The following ATP2B4 variants were observed in gnomAD, a reference collection of about 807,000 sequenced individuals.
The protein encoded by ATP2B4 is plasma membrane calcium-transporting ATPase 4.
Under a neutral mutation model 110.3 loss-of-function variants are expected in ATP2B4, and 39 were observed. That is an observed-to-expected ratio of 0.35 (90% CI 0.27 to 0.46). The LOEUF (loss-of-function observed/expected upper bound fraction) is 0.46, where lower values mean the gene tolerates loss of function less well. Ranked by LOEUF, ATP2B4 falls within the 20% of genes least tolerant of loss-of-function variation. ATP2B4 has a pLI of 1.00. For missense variants in ATP2B4, 1,135 were observed against 1,530.9 expected, an observed-to-expected ratio of 0.74 and a Z score of 4.32; for synonymous variants, 538 against 571.7, an observed-to-expected ratio of 0.94 and a Z score of 0.84.
intron 14 of ATP2B4, 84 bp from the exon 15 acceptor site, chr1:203,714,087 G>A: frequency 7.7e-7 from 1 of 1,299,184 alleles, no homozygotes; most frequent in South Asian, 1.2e-5. Context: ...AAGGAAAGAA[G>A]AAAGTAGAAG....
chr1:203,715,053 C>T (rs950482909), intron 15 of ATP2B4, among the ~76,000 whole-genome samples: 7 of 152,158 alleles, frequency 4.6e-5, no homozygotes, highest in Non-Finnish European at 1.0e-4. Context: ...CCCCCATTTA[C>T]ATCCCCAGTC....
intron 1 of ATP2B4, among the ~76,000 whole-genome samples, chr1:203,674,432 T>C (rs1664767255): frequency 6.6e-6 from 1 of 152,080 alleles, no homozygotes; most frequent in Non-Finnish European, 1.5e-5. Flanking sequence ...TGAAAGAGGT[T>C]GGCTTTCCCA....
rs184475642 is a variant in ATP2B4 at position 203,708,152 on chromosome 1, A to C, written c.1557+48A>C. On this transcript the variant is annotated intron_variant, in intron 10 of 20. Coordinates refer to ENST00000357681, the MANE Select transcript of ATP2B4 (RefSeq NM_001684.5). The stretch of plus-strand genomic sequence containing the variant: ...CACTTAGAGTGGGTGGTTGGAAGGG[A>C]ACATCCATTTTCTCTGAAATGAACC... 4.7e-5 allele frequency: 75 copies of C among 1,607,092 alleles called. No homozygotes were observed. In the African/African-American group the frequency reaches 9.2e-4, roughly 20 times the overall value.
intron 1 of ATP2B4, among the ~76,000 whole-genome samples, chr1:203,672,324 C>CTTTTTTTTTTTT (rs57144862): frequency 2.5e-5 from 2 of 79,626 alleles, no homozygotes; most frequent in Non-Finnish European, 2.2e-5. Context: ...TGCGGTGGCT[C>CTTTTTTTTTTTT]TTTTTTTTTT....
intron 16 of ATP2B4, 94 bp downstream of exon 16, chr1:203,720,834 G>T: frequency 7.2e-7 from 1 of 1,390,992 alleles, no homozygotes; most frequent in Non-Finnish European, 9.7e-7. Context: ...GAAGAGTAAA[G>T]ACAGCGTTTC....
At chr1:203,658,075 T>G (rs11240682) in intron 1 of ATP2B4, among the ~76,000 whole-genome samples, 111,100 of 152,072 alleles carry the variant, frequency 0.73, 43,290 homozygotes, top group Middle Eastern at 0.88. Context: ...AAACACTTAA[T>G]AGACTATAGT....
chr1:203,636,353 C>T (rs1460218846), intron 1 of ATP2B4, among the ~76,000 whole-genome samples: 1 of 152,170 alleles, frequency 6.6e-6, no homozygotes, highest in East Asian at 1.9e-4. Flanking sequence ...TCCTGATCGT[C>T]GCTCTGGAGA....
intron 1 of ATP2B4, among the ~76,000 whole-genome samples, chr1:203,645,641 G>T (rs1347902795): frequency 6.7e-6 from 1 of 149,772 alleles, no homozygotes. Context: ...ACCCAGGCTG[G>T]AATGCAGTGG....
At chr1:203,706,988 A>G in intron 8 of ATP2B4, 21 bp from the exon 9 acceptor site, 6 of 1,610,004 alleles carry the variant, frequency 3.7e-6, no homozygotes, top group Non-Finnish European at 5.1e-6. Flanking sequence ...CTGGGTTCAT[A>G]TGACTTGTTT....
intron 1 of ATP2B4, among the ~76,000 whole-genome samples, chr1:203,681,857 C>G (rs549414823): frequency 3.3e-5 from 5 of 152,116 alleles, no homozygotes; most frequent in African/African-American, 1.2e-4. Context: ...TTACCGCTCC[C>G]ACTCCAGAGA....
At chr1:203,726,584 G>A (rs1666526646) in intron 19 of ATP2B4, among the ~76,000 whole-genome samples, 2 of 152,108 alleles carry the variant, frequency 1.3e-5, no homozygotes, top group Admixed American at 1.3e-4. Flanking sequence ...TATCACAACA[G>A]CTTTTTCCAC....
rs995454998 is a variant in ATP2B4 at position 203,742,285 on chromosome 1, T to C, written c.*2431T>C. 2 of 152,676 alleles carry C rather than the reference T, an allele frequency of 1.3e-5. No individual in the cohort carries two copies. The highest frequency in any genetic ancestry group is 4.8e-5 in the African/African-American group (2 of 41,470). 9.5% of individuals were successfully genotyped at this position (152,676 alleles called of 1,614,324 possible). On this transcript the variant is annotated 3_prime_UTR_variant, in exon 21 of 21. Transcript: ENST00000357681. ...TAAAACCAATACACCATACTTTCTTTCTGCAAACAGCCATCTTTATACTTA... is the reference window on the plus strand; with the variant it reads ...TAAAACCAATACACCATACTTTCTTCCTGCAAACAGCCATCTTTATACTTA...
At chr1:203,677,769 G>A (rs1441692992) in intron 1 of ATP2B4, among the ~76,000 whole-genome samples, 2 of 152,144 alleles carry the variant, frequency 1.3e-5, no homozygotes, top group Non-Finnish European at 2.9e-5. Context: ...CGGCCCTGAA[G>A]CAGGTTTTAT....
Position 203,683,397 on chromosome 1 carries a change from A to C in ATP2B4, c.192A>C (p.Glu64Asp), listed in dbSNP as rs1181137306. The C allele has an allele frequency of 6.2e-7, 1 of 1,609,344 alleles. No individual in the cohort carries two copies. Among genetic ancestry groups the C allele is most frequent in the Non-Finnish European group, 8.5e-7 (1 of 1,177,056 alleles). The change falls in exon 2 of 21, where the codon GAA becomes GAC. Residue 64 changes from glutamate to aspartate, a missense_variant and splice_region_variant. Coordinates refer to ENST00000357681, the MANE Select transcript of ATP2B4 (RefSeq NM_001684.5). ...GTAGACTGAAAACCTCCCCTGTGGA[A>C]GGTAAAGGCCATATCAGGGGTGGGG... ...LCSRLKTSPV[E>D]GLSGNPADLE...
At chr1:203,681,850 C>T (rs10751451) in intron 1 of ATP2B4, among the ~76,000 whole-genome samples, 125,958 of 151,292 alleles carry the variant, frequency 0.83, 53,269 homozygotes, top group East Asian at 1. Flanking sequence ...AGGTATCTTA[C>T]CGCTCCCACT....
chr1:203,742,262 A>T lies in ATP2B4; in HGVS notation c.*2408A>T, dbSNP rs369398721. On this transcript the variant is annotated 3_prime_UTR_variant, in exon 21 of 21. Coordinates refer to ENST00000357681, the MANE Select transcript of ATP2B4 (RefSeq NM_001684.5). ...CTTAGTATATTTGTAATTGGTTTTA[A>T]AACCAATACACCATACTTTCTTTCT... is the stretch of plus-strand genomic sequence containing the variant. 3.9e-5 allele frequency: 6 copies of T among 152,766 alleles called. No homozygotes were observed. The South Asian group carries it at 6.2e-4, about 16-fold the overall frequency. 9.5% of individuals were successfully genotyped at this position (152,766 alleles called of 1,614,324 possible).
rs1196031503 is a variant in ATP2B4 at position 203,683,515 on chromosome 1, T to C, written c.193+117T>C. The C allele has an allele frequency of 6.3e-6, 7 of 1,110,404 alleles. No homozygotes were observed. The East Asian group carries it at 1.8e-4, about 29-fold the overall frequency. The allele number at this position is 1,110,404 out of a possible 1,614,324, so 68.8% of individuals were successfully genotyped here. ...GAGGCCCAGCTGGTATATTTTTGTC[T>C]GGTGGGAAAGGTATGGCATCTGAAG... On this transcript the variant is annotated intron_variant, in intron 2 of 20. Coordinates refer to ENST00000357681, the MANE Select transcript of ATP2B4 (RefSeq NM_001684.5).
chr1:203,658,565 C>T (rs889004754), intron 1 of ATP2B4, among the ~76,000 whole-genome samples: 5 of 151,044 alleles, frequency 3.3e-5, no homozygotes, highest in African/African-American at 4.9e-5. Context: ...GAAACGAAGA[C>T]GGGATGATGA....
intron 7 of ATP2B4, among the ~76,000 whole-genome samples, chr1:203,702,341 T>C (rs879197893): frequency 6.6e-6 from 1 of 152,268 alleles, no homozygotes; most frequent in Middle Eastern, 3.4e-3. Context: ...TGTGTAGGAT[T>C]GATCTGCTCT....
Sources: allele counts gnomAD v4.1 joint callset (sites outside exome capture counted in the v4.1 genomes callset), GRCh38; gene constraint gnomAD v4.1.1; transcripts MANE v1.5; gene names NCBI Gene and HGNC (gene_info 2026-07-23, HGNC 2026-07-21).